The following DLGAP1 variants were observed in gnomAD, a reference collection of about 807,000 sequenced individuals.
DLGAP1 encodes the protein DLG associated protein 1, also known as disks large-associated protein 1.
DLGAP1 carries 11 observed loss-of-function variants against 90.8 expected under a neutral mutation model. That is an observed-to-expected ratio of 0.12 (90% CI 0.08 to 0.20). The LOEUF (loss-of-function observed/expected upper bound fraction) is 0.20. DLGAP1 is among the 10% of genes least tolerant of loss of function. The pLI is 1.00. For missense variants in DLGAP1, 1,050 were observed against 1,333.8 expected (o/e 0.79, Z 3.31); for synonymous variants, 558 against 540.7 (o/e 1.03, Z -0.44).
At chr18:4,379,353 C>A (rs1442617254) in intron 1 of DLGAP1, among the ~76,000 whole-genome samples, 1 of 152,070 alleles carries the variant, frequency 6.6e-6, no homozygotes, top group African/African-American at 2.4e-5. Flanking sequence ...CTTTGGTTAT[C>A]CAGAATACTA....
intron 2 of DLGAP1, among the ~76,000 whole-genome samples, chr18:4,134,072 T>G (rs1273484679): frequency 6.6e-6 from 1 of 152,160 alleles, no homozygotes; most frequent in Non-Finnish European, 1.5e-5. Flanking sequence ...TTATACAAAT[T>G]TATAAAATAG....
intron 4 of DLGAP1, among the ~76,000 whole-genome samples, chr18:3,871,883 A>G (rs1360607347): frequency 6.6e-6 from 1 of 152,194 alleles, no homozygotes; most frequent in Non-Finnish European, 1.5e-5. Context: ...ACCTGCACAC[A>G]TGCACCTGGC....
rs2075222489 is a variant in DLGAP1, at chr18:4,056,728, T to TGA, written c.-158-51529_-158-51528dup. Among the ~76,000 whole-genome samples the TGA allele has an allele frequency of 3.3e-5, 5 of 152,114 alleles. No homozygotes were observed. In the South Asian group the frequency reaches 1.0e-3, roughly 32 times the overall value. ...AAGACCCTAGGAGCCACCTAGGAAT[T>TGA]GAGACATACACTAAAAAATACCTGG... On this transcript the variant is annotated intron_variant, in intron 2 of 12. Transcript: ENST00000315677.
At chr18:4,075,779 C>A (rs1473607691) in intron 2 of DLGAP1, among the ~76,000 whole-genome samples, 3 of 152,190 alleles carry the variant, frequency 2.0e-5, no homozygotes, top group Admixed American at 1.3e-4. Context: ...ACAAGGCAAG[C>A]ACTGTTTCTC....
chr18:4,355,742 C>CTTTTTTTTTTTTT (rs56040788), intron 1 of DLGAP1, among the ~76,000 whole-genome samples: 1 of 124,720 alleles, frequency 8.0e-6, no homozygotes, highest in African/African-American at 3.0e-5. Flanking sequence ...AATCCGGGAT[C>CTTTTTTTTTTTTT]TTTTTTTTTT....
chr18:3,539,780 C>G (rs1170946949), intron 9 of DLGAP1, among the ~76,000 whole-genome samples: 1 of 152,184 alleles, frequency 6.6e-6, no homozygotes, highest in African/African-American at 2.4e-5. Context: ...TTTGGAACTA[C>G]AAGACACTCA....
At position 3,660,074 on chromosome 18, in the gene DLGAP1, A is replaced by G. The variant is rs2059635601; in HGVS notation, c.1591+69061T>C. Among the ~76,000 whole-genome samples, 2 of 152,370 alleles carry G rather than the reference A, an allele frequency of 1.3e-5. No individual in the cohort carries two copies. Among genetic ancestry groups the G allele is most frequent in the African/African-American group, 4.8e-5 (2 of 41,590 alleles). On this transcript the variant is annotated intron_variant, in intron 7 of 12. Transcript: ENST00000315677. The surrounding 1 kb of genome is among the most constrained non-coding windows in gnomAD (Gnocchi z 4.2). ...CTTTTGTTCACATTTGACTTCAAAT[A>G]TAACTTCCTCAGAGAGTCTTCCTTG...
At chr18:4,193,196 G>A (rs374594188) in intron 1 of DLGAP1, among the ~76,000 whole-genome samples, 1 of 152,318 alleles carries the variant, frequency 6.6e-6, no homozygotes, top group Admixed American at 6.5e-5. Context: ...GGAGCATGCT[G>A]CAGAGAAGAG....
intron 7 of DLGAP1, among the ~76,000 whole-genome samples, chr18:3,722,759 A>G (rs1327847918): frequency 6.6e-6 from 1 of 152,190 alleles, no homozygotes; most frequent in East Asian, 1.9e-4. Flanking sequence ...ACAAGGATCT[A>G]TTAATTAACT....
intron 6 of DLGAP1, among the ~76,000 whole-genome samples, chr18:3,736,384 C>G (rs542529150): frequency 3.9e-5 from 6 of 152,250 alleles, no homozygotes; most frequent in African/African-American, 9.6e-5. Flanking sequence ...CAAGCACAAT[C>G]TGTTTTTAGG....
intron 1 of DLGAP1, among the ~76,000 whole-genome samples, chr18:4,399,556 C>A (rs1364728596): frequency 6.6e-6 from 1 of 152,174 alleles, no homozygotes; most frequent in Non-Finnish European, 1.5e-5. Flanking sequence ...TTATTTTTCA[C>A]TATTTTACAA....
chr18:4,157,846 C>T (rs541350257), intron 1 of DLGAP1, among the ~76,000 whole-genome samples: 10 of 152,290 alleles, frequency 6.6e-5, no homozygotes, highest in Middle Eastern at 6.8e-3. Context: ...AGCCCCAAGA[C>T]GCCATGCTCG....
intron 9 of DLGAP1, among the ~76,000 whole-genome samples, chr18:3,556,204 C>T (rs997916104): frequency 6.6e-6 from 1 of 152,184 alleles, no homozygotes; most frequent in Non-Finnish European, 1.5e-5. Context: ...CTCCCATACA[C>T]CCCTTCCCCC....
chr18:3,952,784 T>C (rs2073013870), intron 3 of DLGAP1, among the ~76,000 whole-genome samples: 1 of 152,200 alleles, frequency 6.6e-6, no homozygotes, highest in South Asian at 2.1e-4. Flanking sequence ...TCTTTATTGC[T>C]ACAGAATCAG....
intron 2 of DLGAP1, among the ~76,000 whole-genome samples, chr18:4,058,764 T>A (rs2075259104): frequency 6.6e-6 from 1 of 152,232 alleles, no homozygotes; most frequent in Non-Finnish European, 1.5e-5. Context: ...CTTTTCAATA[T>A]GCCTTGAGAC....
chr18:4,373,281 G>A (rs2081953296), intron 1 of DLGAP1, among the ~76,000 whole-genome samples: 1 of 152,092 alleles, frequency 6.6e-6, no homozygotes, highest in Admixed American at 6.5e-5. Flanking sequence ...AGAAACTGAA[G>A]ACAAGCAGGA....
chr18:3,959,756 AAAG>A (rs2073161325), intron 3 of DLGAP1, among the ~76,000 whole-genome samples: 1 of 152,216 alleles, frequency 6.6e-6, no homozygotes, highest in Admixed American at 6.5e-5. Flanking sequence ...AAGAAAGAAA[AAAG>A]AAAAAAAGTG....
chr18:4,152,761 A>T (rs2076695886), intron 1 of DLGAP1, among the ~76,000 whole-genome samples: 2 of 152,172 alleles, frequency 1.3e-5, no homozygotes, highest in Admixed American at 6.5e-5. Flanking sequence ...CAAAAATGAG[A>T]CGCCATCATC....
chr18:4,002,034 C>T (rs1052973689), intron 3 of DLGAP1, among the ~76,000 whole-genome samples: 1 of 33,974 alleles, frequency 2.9e-5, no homozygotes, highest in African/African-American at 2.6e-4. Flanking sequence ...ACAACCCACA[C>T]ATATTTGGTT....
Sources: allele counts gnomAD v4.1 joint callset (sites outside exome capture counted in the v4.1 genomes callset), GRCh38; gene constraint gnomAD v4.1.1; non-coding constraint Gnocchi (gnomAD v3.1); transcripts MANE v1.5; gene names NCBI Gene and HGNC (gene_info 2026-07-23, HGNC 2026-07-21).